The following BRK1 variants were observed in gnomAD, a reference collection of about 807,000 sequenced individuals.
The protein encoded by BRK1 is protein BRICK1.
In BRK1, 6 loss-of-function variants were observed where a neutral mutation model predicts 9.9. That is an observed-to-expected ratio of 0.60 (90% CI 0.33 to 1.19). The LOEUF (loss-of-function observed/expected upper bound fraction) is 1.19, where lower values mean the gene tolerates loss of function less well. Ranked by LOEUF, BRK1 falls within the 50% of genes most tolerant of loss-of-function variation. BRK1 has a pLI of 0.04. For missense variants in BRK1, 62 were observed against 97.5 expected (o/e 0.64, Z 1.53); for synonymous variants, 44 against 31.9 (o/e 1.38, Z -1.28).
Position 10,115,993 on chromosome 3 carries a change from A to G in BRK1, c.118+174A>G, listed in dbSNP as rs375476615. ...CGCCCTGACCCTCAGGCTCCCGTAG[A>G]CAGTCTCTGTAGGGTTATCCTGCCC... On this transcript the variant is annotated intron_variant, in intron 1 of 2. Transcript: ENST00000530758. Among the ~76,000 whole-genome samples the G allele has an allele frequency of 7.2e-5, 11 of 152,126 alleles. 1 individual carries two copies. The East Asian group carries it at 9.7e-4, about 13-fold the overall frequency.
intron 1 of BRK1, among the ~76,000 whole-genome samples, chr3:10,122,404 C>T (rs978858098): frequency 6.6e-6 from 1 of 152,114 alleles, no homozygotes; most frequent in Admixed American, 6.6e-5. Context: ...ACATGAATAA[C>T]TTACAAATTA....
At chr3:10,121,645 G>A (rs1050876235) in intron 1 of BRK1, among the ~76,000 whole-genome samples, 3 of 151,912 alleles carry the variant, frequency 2.0e-5, no homozygotes, top group African/African-American at 7.3e-5. Flanking sequence ...CGGTGAAACA[G>A]ACATGTAAAT....
intron 1 of BRK1, among the ~76,000 whole-genome samples, chr3:10,124,666 G>A (rs1228461152): frequency 2.6e-5 from 4 of 151,914 alleles, no homozygotes; most frequent in Non-Finnish European, 4.4e-5. Context: ...CTCCAATCAG[G>A]GTTTCAGCAG....
chr3:10,124,902 T>C (rs1341361199), intron 1 of BRK1, among the ~76,000 whole-genome samples: 1 of 152,190 alleles, frequency 6.6e-6, no homozygotes, highest in African/African-American at 2.4e-5. Flanking sequence ...CCCTTCACAC[T>C]TGGAATCTCT....
intron 2 of BRK1, 98 bp downstream of exon 2, chr3:10,125,806 A>T: frequency 1.1e-6 from 1 of 870,782 alleles, no homozygotes; most frequent in South Asian, 1.6e-5. Flanking sequence ...AAACTTAAGC[A>T]CTGGCCGGAC....
chr3:10,122,609 T>C (rs901894462), intron 1 of BRK1, among the ~76,000 whole-genome samples: 2 of 152,082 alleles, frequency 1.3e-5, no homozygotes, highest in Non-Finnish European at 2.9e-5. Context: ...TAATTGCAGC[T>C]ACTCGGGAGG....
intron 1 of BRK1, among the ~76,000 whole-genome samples, chr3:10,119,784 T>C (rs1695732745): frequency 6.6e-6 from 1 of 152,206 alleles, no homozygotes; most frequent in Admixed American, 6.6e-5. Context: ...TTTATTCTTA[T>C]GCTATTTTTT....
Position 10,115,843 on chromosome 3 carries a change from C to T in BRK1, c.118+24C>T, listed in dbSNP as rs552644461. 2.8e-4 allele frequency: 449 copies of T among 1,586,888 alleles called. 8 individuals are homozygous for T. The South Asian group carries it at 4.7e-3, about 17-fold the overall frequency. ...CGGTCAGCGGGCCAGCAAGGGGAGG[C>T]GGGGAGGAGGGAGGCCGCTGAGGTG... On this transcript the variant is annotated intron_variant, in intron 1 of 2. Coordinates refer to ENST00000530758, the MANE Select transcript of BRK1 (RefSeq NM_018462.5).
At chr3:10,118,252 C>CAA (rs59622736) in intron 1 of BRK1, among the ~76,000 whole-genome samples, 14 of 67,454 alleles carry the variant, frequency 2.1e-4, no homozygotes, top group African/African-American at 3.1e-4. Context: ...ACTCTGTCTC[C>CAA]AAAAAAAAAA....
At chr3:10,118,747 C>A (rs1016847292) in intron 1 of BRK1, among the ~76,000 whole-genome samples, 2 of 152,080 alleles carry the variant, frequency 1.3e-5, no homozygotes, top group Admixed American at 6.6e-5. Context: ...TTCAACCTCC[C>A]AAAGTGCTGG....
intron 1 of BRK1, among the ~76,000 whole-genome samples, chr3:10,123,800 A>T (rs1416127805): frequency 7.4e-6 from 1 of 135,452 alleles, no homozygotes; most frequent in African/African-American, 3.0e-5. Context: ...CAGTGGTGCA[A>T]TCCCAGCTCA....
At position 10,115,930 on chromosome 3, in the gene BRK1, G is replaced by A. The variant is rs928907742; in HGVS notation, c.118+111G>A. Reference sequence around the variant, plus strand: ...CTCCCGCAGCCTTCGGCTGTTGCGGGTTTTCACTTCCTCCTTCAGGTCCCA... The same window carrying A: ...CTCCCGCAGCCTTCGGCTGTTGCGGATTTTCACTTCCTCCTTCAGGTCCCA... On this transcript the variant is annotated intron_variant, in intron 1 of 2. Transcript: ENST00000530758. 3.8e-5 allele frequency: 31 copies of A among 819,374 alleles called. No individual in the cohort carries two copies. In the South Asian group the frequency reaches 4.4e-4, roughly 12 times the overall value. The allele number at this position is 819,374 out of a possible 1,614,324, so 50.8% of individuals were successfully genotyped here.
At chr3:10,117,566 G>A (rs1211101308) in intron 1 of BRK1, among the ~76,000 whole-genome samples, 1 of 151,592 alleles carries the variant, frequency 6.6e-6, no homozygotes, top group Non-Finnish European at 1.5e-5. Context: ...GCTGATTTTT[G>A]TGCTTTTAAA....
intron 1 of BRK1, among the ~76,000 whole-genome samples, chr3:10,120,918 A>G (rs1695747645): frequency 6.6e-6 from 1 of 152,334 alleles, no homozygotes; most frequent in East Asian, 1.9e-4. Flanking sequence ...GCAGGTTGTC[A>G]GAGATAATAT....
Position 10,123,926 on chromosome 3 carries a change from G to A in BRK1, c.119-1700G>A, listed in dbSNP as rs182115575. Among the ~76,000 whole-genome samples, 254 of 150,822 alleles carry A rather than the reference G, an allele frequency of 1.7e-3. 1 individual carries two copies. The highest frequency in any genetic ancestry group is 6.0e-3 in the African/African-American group (245 of 40,910). ...AATTTTGTATTTTTAGTAGAGATGG[G>A]GTTTCACCATGTTAGCCAGGCTGGT... is the stretch of plus-strand genomic sequence containing the variant. On this transcript the variant is annotated intron_variant, in intron 1 of 2. Coordinates refer to ENST00000530758, the MANE Select transcript of BRK1 (RefSeq NM_018462.5).
intron 1 of BRK1, among the ~76,000 whole-genome samples, chr3:10,117,995 C>A (rs1695709041): frequency 6.6e-6 from 1 of 152,118 alleles, no homozygotes; most frequent in Admixed American, 6.6e-5. Flanking sequence ...GTGGCTCATG[C>A]CTGTAATCCC....
chr3:10,121,676 A>G (rs1695757321), intron 1 of BRK1, among the ~76,000 whole-genome samples: 1 of 152,222 alleles, frequency 6.6e-6, no homozygotes, highest in African/African-American at 2.4e-5. Context: ...TTACAAGTAC[A>G]TAAATATCAT....
chr3:10,118,413 C>G (rs879328109), intron 1 of BRK1, among the ~76,000 whole-genome samples: 36 of 151,962 alleles, frequency 2.4e-4, no homozygotes, highest in Admixed American at 1.7e-3. Flanking sequence ...TGTTTTTTTC[C>G]CATCCTAAGC....
chr3:10,123,278 G>T (rs1405930527), intron 1 of BRK1, among the ~76,000 whole-genome samples: 1 of 152,206 alleles, frequency 6.6e-6, no homozygotes, highest in East Asian at 1.9e-4. Flanking sequence ...CAGATGGAAT[G>T]TGGGCTTTAT....
Sources: gnomAD v4.1 joint callset for allele counts (sites outside exome capture counted in the v4.1 genomes callset) on GRCh38, gnomAD v4.1.1 for gene constraint, MANE v1.5 for transcripts, NCBI Gene and HGNC (gene_info 2026-07-23, HGNC 2026-07-21) for gene names.